PSD3: variants seen among roughly 807,000 people sequenced by gnomAD.
PSD3 encodes the protein PH and SEC7 domain-containing protein 3.
A neutral mutation model predicts 105.5 loss-of-function variants in PSD3; 49 were observed. The observed-to-expected ratio is 0.46, with a 90% confidence interval of 0.37 to 0.59. PSD3 has a LOEUF of 0.59. Ranked by LOEUF, PSD3 falls within the 20% of genes least tolerant of loss-of-function variation. The probability of loss-of-function intolerance (pLI) is 0.00; values close to 1 mark genes in which losing one functional copy is unlikely to be tolerated. For missense variants in PSD3, 1,561 were observed against 1,263.8 expected (o/e 1.24, Z -3.57); for synonymous variants, 557 against 457.8 (o/e 1.22, Z -2.77).
At chr8:18,754,357 C>A (rs1431328055) in intron 9 of PSD3, among the ~76,000 whole-genome samples, 5 of 152,120 alleles carry the variant, frequency 3.3e-5, no homozygotes, top group Admixed American at 6.5e-5. Context: ...GCATTCCAGC[C>A]TGGGCGACAG....
intron 9 of PSD3, among the ~76,000 whole-genome samples, chr8:18,751,081 C>T (rs1251611273): frequency 6.6e-6 from 1 of 152,076 alleles, no homozygotes; most frequent in Admixed American, 6.5e-5. Context: ...ACCTGGGCGC[C>T]GTGCAGCAGG....
At chr8:18,560,537 T>G (rs1801336184) in intron 14 of PSD3, among the ~76,000 whole-genome samples, 1 of 151,980 alleles carries the variant, frequency 6.6e-6, no homozygotes, top group Admixed American at 6.6e-5. Context: ...TGTTTTAAGT[T>G]AGGAAGTGAT....
intron 12 of PSD3, among the ~76,000 whole-genome samples, chr8:18,594,419 ATACAT>A (rs1481788969): frequency 8.1e-6 from 1 of 122,754 alleles, no homozygotes; most frequent in African/African-American, 3.3e-5. Context: ...TATAAATAAT[ATACAT>A]TATATATAAT....
chr8:19,036,775 T>C (rs1315059620), intron 1 of PSD3, among the ~76,000 whole-genome samples: 1 of 152,194 alleles, frequency 6.6e-6, no homozygotes, highest in African/African-American at 2.4e-5. Context: ...TTGCCAGTCA[T>C]TGAAATGTCC....
At chr8:18,538,783 T>C (rs1308089001) in intron 15 of PSD3, among the ~76,000 whole-genome samples, 1 of 152,262 alleles carries the variant, frequency 6.6e-6, no homozygotes, top group Non-Finnish European at 1.5e-5. Flanking sequence ...CCACTCATTT[T>C]ACAGCTCCAG....
At chr8:18,763,965 TG>T (rs1455403846) in intron 9 of PSD3, among the ~76,000 whole-genome samples, 1 of 152,162 alleles carries the variant, frequency 6.6e-6, no homozygotes, top group Non-Finnish European at 1.5e-5. Context: ...ACAAATCATC[TG>T]GCAAATTCTT....
chr8:18,685,683 C>T lies in PSD3; in HGVS notation c.2173-29998G>A, dbSNP rs559083612. Reference sequence around the variant, plus strand: ...AAGTTACTATTTTACAAAGCATATTCCAAAGACATAAAAAGTGGTGTACTA... The same window carrying T: ...AAGTTACTATTTTACAAAGCATATTTCAAAGACATAAAAAGTGGTGTACTA... On this transcript the variant is annotated intron_variant, in intron 9 of 15. Transcript: ENST00000327040. 2.5e-3 allele frequency among the ~76,000 whole-genome samples: 384 copies of T among 152,004 alleles called. 2 individuals are homozygous for T. The highest frequency in any genetic ancestry group is 8.8e-3 in the African/African-American group (363 of 41,446).
At chr8:18,919,785 A>G (rs2555618) in intron 2 of PSD3, among the ~76,000 whole-genome samples, 4,880 of 143,154 alleles carry the variant, frequency 0.034, 236 homozygotes, top group African/African-American at 0.12. Flanking sequence ...TCACTCATAG[A>G]TGGGAATTGA....
chr8:18,750,890 A>G (rs1034764699), intron 9 of PSD3, among the ~76,000 whole-genome samples: 49 of 152,138 alleles, frequency 3.2e-4, no homozygotes, highest in African/African-American at 1.2e-3. Context: ...TGAGCTAGAT[A>G]CAGAGTGCCG....
At chr8:18,993,165 C>A (rs149279574) in intron 1 of PSD3, among the ~76,000 whole-genome samples, 136 of 152,220 alleles carry the variant, frequency 8.9e-4, no homozygotes, top group African/African-American at 2.9e-3. Flanking sequence ...CAGAGAAAGA[C>A]AGAGTGAGTG....
At chr8:18,922,699 T>G (rs112869264) in intron 2 of PSD3, among the ~76,000 whole-genome samples, 4 of 152,188 alleles carry the variant, frequency 2.6e-5, no homozygotes, top group Admixed American at 1.3e-4. Flanking sequence ...TTGTTTCACC[T>G]GCGCTTCTGA....
intron 4 of PSD3, among the ~76,000 whole-genome samples, chr8:18,824,657 G>C (rs771086103): frequency 2.6e-5 from 4 of 152,200 alleles, no homozygotes; most frequent in Non-Finnish European, 4.4e-5. Context: ...CACTGGCTAA[G>C]GCATACACTT....
At chr8:18,825,715 C>T (rs1813125514) in intron 4 of PSD3, among the ~76,000 whole-genome samples, 1 of 152,176 alleles carries the variant, frequency 6.6e-6, no homozygotes, top group Non-Finnish European at 1.5e-5. Flanking sequence ...TGAGAACAAC[C>T]TGTGAAAATC....
At chr8:18,851,362 C>T (rs141408513) in intron 4 of PSD3, among the ~76,000 whole-genome samples, 95 of 152,282 alleles carry the variant, frequency 6.2e-4, no homozygotes, top group Non-Finnish European at 1.1e-3. Context: ...GACAAAAAGC[C>T]AAATATAACA....
At chr8:18,849,211 T>G (rs1815364997) in intron 4 of PSD3, 2 of 152,224 alleles carry the variant, frequency 1.3e-5, no homozygotes, top group Non-Finnish European at 2.9e-5. Flanking sequence ...AATTTCCACT[T>G]ACATTGCAAA....
intron 2 of PSD3, among the ~76,000 whole-genome samples, chr8:18,930,684 C>G (rs1358132965): frequency 6.6e-6 from 1 of 151,886 alleles, no homozygotes; most frequent in African/African-American, 2.4e-5. Flanking sequence ...ATTCTCCTGC[C>G]TCAGCTTCCT....
intron 1 of PSD3, among the ~76,000 whole-genome samples, chr8:19,042,919 C>G (rs1431342231): frequency 6.6e-6 from 1 of 152,110 alleles, no homozygotes; most frequent in African/African-American, 2.4e-5. Flanking sequence ...GTTATAAAAT[C>G]AAAAAGATTA....
At chr8:18,886,965 AT>A (rs1453221786) in intron 2 of PSD3, 2 of 152,162 alleles carry the variant, frequency 1.3e-5, no homozygotes, top group Non-Finnish European at 2.9e-5. Flanking sequence ...GCGTTTTTAT[AT>A]TTGTGAAAAC....
chr8:18,609,568 TATC>T (rs1805105016), intron 11 of PSD3, among the ~76,000 whole-genome samples: 1 of 152,230 alleles, frequency 6.6e-6, no homozygotes, highest in Non-Finnish European at 1.5e-5. Flanking sequence ...CAACTTAAAG[TATC>T]TTTAAAACAA....
Sources: gnomAD v4.1 joint callset for allele counts (sites outside exome capture counted in the v4.1 genomes callset) on GRCh38, gnomAD v4.1.1 for gene constraint, MANE v1.5 for transcripts, NCBI Gene and HGNC (gene_info 2026-07-23, HGNC 2026-07-21) for gene names.